Variants in PHLPP1 observed in about 807,000 individuals in gnomAD.
PHLPP1 encodes PH domain and leucine rich repeat protein phosphatase 1.
PHLPP1 carries 42 observed loss-of-function variants against 117.2 expected under a neutral mutation model. The observed-to-expected ratio is 0.36, with a 90% CI of 0.28 to 0.46. The LOEUF is 0.46. PHLPP1 is among the 20% of genes least tolerant of loss of function. The pLI is 1.00. For missense variants in PHLPP1, 2,084 were observed against 2,241.9 expected (o/e 0.93, Z 1.42); for synonymous variants, 1,042 against 970.7 (o/e 1.07, Z -1.37).
At chr18:62,774,671 A>G (rs1391084775) in intron 1 of PHLPP1, among the ~76,000 whole-genome samples, 2 of 152,194 alleles carry the variant, frequency 1.3e-5, no homozygotes, top group Non-Finnish European at 1.5e-5. Flanking sequence ...TAACAATTTC[A>G]TCTGTGTTCT....
At chr18:62,751,976 A>T (rs1394931839) in intron 1 of PHLPP1, among the ~76,000 whole-genome samples, 1 of 152,246 alleles carries the variant, frequency 6.6e-6, no homozygotes, top group South Asian at 2.1e-4. Context: ...TTTTCAGGTC[A>T]TATGAGGGTA....
chr18:62,716,317 G>A lies in PHLPP1; in HGVS notation c.634G>A (p.Ala212Thr). 6.5e-7 allele frequency: 1 copy of A among 1,530,730 alleles called. No individual in the cohort carries two copies. Among genetic ancestry groups the A allele is most frequent in the Non-Finnish European group, 8.7e-7 (1 of 1,145,082 alleles). 94.8% of individuals were successfully genotyped at this position (1,530,730 alleles called of 1,614,324 possible). ...CGTGCACGTCTTCGACCGCCACATG[G>A]CCTCGACCTACCTGCGCCCGGTGCT... ...GCVHVFDRHM[A>T]STYLRPVLCT... Residue 212 changes from alanine to threonine, a missense_variant, in exon 1 of 17, where the codon GCC becomes ACC. This residue lies in a region of PHLPP1 where 719 missense variants were observed against 636.0 expected (regional missense o/e 1.13). Transcript: ENST00000262719. The surrounding 1 kb of genome is among the most constrained non-coding windows in gnomAD (Gnocchi z 5.7).
chr18:62,975,511 G>A lies in PHLPP1; in HGVS notation c.3870G>A (p.Lys1290=), dbSNP rs1911163318. Residue 1290 remains lysine (K), a synonymous_variant, in exon 16 of 17, where the codon AAG becomes AAA. Transcript: ENST00000262719. ...CCTTGACCTCTGCTAATGTGGGCAA[G>A]TGCCAAACAGTTCTCTGTCGAAATG... ...SFTLTSANVG[K]CQTVLCRNGK... 1 of 1,613,872 alleles carries A rather than the reference G, an allele frequency of 6.2e-7. No homozygotes were observed. The highest frequency in any genetic ancestry group is 8.5e-7 in the Non-Finnish European group (1 of 1,179,724).
chr18:62,799,045 C>T (rs982382250), intron 1 of PHLPP1, among the ~76,000 whole-genome samples: 9 of 152,166 alleles, frequency 5.9e-5, no homozygotes, highest in African/African-American at 2.2e-4. Flanking sequence ...ATTTGAATTT[C>T]CCATCCTTCC....
chr18:62,965,382 G>A (rs1039461147), intron 14 of PHLPP1, among the ~76,000 whole-genome samples: 7 of 150,124 alleles, frequency 4.7e-5, no homozygotes, highest in African/African-American at 1.5e-4. Context: ...GTGTAGTATT[G>A]CCTTCCTGTC....
At chr18:62,860,383 G>A in intron 3 of PHLPP1, 52 bp from the exon 4 acceptor site, 5 of 1,423,188 alleles carry the variant, frequency 3.5e-6, no homozygotes, top group Non-Finnish European at 4.9e-6. Context: ...TCCATAGAAA[G>A]TAGTTATAGG....
At chr18:62,867,729 C>T (rs1468743761) in intron 4 of PHLPP1, among the ~76,000 whole-genome samples, 1 of 152,062 alleles carries the variant, frequency 6.6e-6, no homozygotes, top group Non-Finnish European at 1.5e-5. Flanking sequence ...ACTAGAGAAA[C>T]CCTTTGGTAT....
chr18:62,842,101 A>G (rs1044793028), intron 3 of PHLPP1, among the ~76,000 whole-genome samples: 2 of 152,200 alleles, frequency 1.3e-5, no homozygotes, highest in Admixed American at 1.3e-4. Context: ...GCACATAGTA[A>G]GTGAGTAGAA....
chr18:62,959,145 A>T (rs1408928396), intron 13 of PHLPP1, among the ~76,000 whole-genome samples: 2 of 152,138 alleles, frequency 1.3e-5, no homozygotes, highest in East Asian at 1.9e-4. Context: ...TTCATTCTTG[A>T]TATTGATAAA....
intron 1 of PHLPP1, among the ~76,000 whole-genome samples, chr18:62,765,139 T>A (rs1912423865): frequency 6.6e-6 from 1 of 152,246 alleles, no homozygotes; most frequent in Admixed American, 6.5e-5. Flanking sequence ...TCCAGAATTC[T>A]GTCTCCTCCT....
chr18:62,870,331 A>C (rs189529365), intron 4 of PHLPP1, among the ~76,000 whole-genome samples: 5 of 152,298 alleles, frequency 3.3e-5, no homozygotes, highest in African/African-American at 1.2e-4. Flanking sequence ...CCCCTCTTAT[A>C]TACATATATT....
At chr18:62,847,349 G>A (rs1309097038) in intron 3 of PHLPP1, among the ~76,000 whole-genome samples, 1 of 152,032 alleles carries the variant, frequency 6.6e-6, no homozygotes, top group Non-Finnish European at 1.5e-5. Flanking sequence ...GCTCCATGTG[G>A]ATTGCCAGGA....
chr18:62,789,371 T>C (rs1272520503), intron 1 of PHLPP1, among the ~76,000 whole-genome samples: 1 of 152,220 alleles, frequency 6.6e-6, no homozygotes, highest in Non-Finnish European at 1.5e-5. Flanking sequence ...TGTGTGTAGC[T>C]GTATTGATCA....
At chr18:62,720,167 A>G (rs1056793696) in intron 1 of PHLPP1, among the ~76,000 whole-genome samples, 10 of 152,178 alleles carry the variant, frequency 6.6e-5, no homozygotes, top group African/African-American at 2.2e-4. Context: ...AAAGAGAGTA[A>G]TTATAGGTTA....
intron 1 of PHLPP1, among the ~76,000 whole-genome samples, chr18:62,746,374 C>T (rs943081786): frequency 1.3e-5 from 2 of 152,138 alleles, no homozygotes; most frequent in Admixed American, 1.3e-4. Context: ...GAATTTTCCT[C>T]AAATGTTAGC....
intron 1 of PHLPP1, among the ~76,000 whole-genome samples, chr18:62,766,284 ACTTT>A (rs1403277152): frequency 4.0e-5 from 6 of 149,914 alleles, no homozygotes; most frequent in East Asian, 2.0e-4. Context: ...TTGGGGAATA[ACTTT>A]CTTTCTTCTG....
At chr18:62,896,281 T>C (rs529160749) in intron 6 of PHLPP1, among the ~76,000 whole-genome samples, 7 of 144,424 alleles carry the variant, frequency 4.8e-5, no homozygotes, top group African/African-American at 1.8e-4. Context: ...GTTTTTGTTT[T>C]TTTTGTTGTT....
At chr18:62,823,926 G>T (rs1914537788) in intron 1 of PHLPP1, among the ~76,000 whole-genome samples, 1 of 152,134 alleles carries the variant, frequency 6.6e-6, no homozygotes, top group Non-Finnish European at 1.5e-5. Context: ...GAGGTGGGCA[G>T]TTAGAGACCA....
chr18:62,832,186 C>T (rs1236517887), intron 2 of PHLPP1: 1 of 152,228 alleles, frequency 6.6e-6, no homozygotes, highest in Non-Finnish European at 1.5e-5. Flanking sequence ...GAAATACTAA[C>T]ATAGCTAAAT....
Sources: allele counts gnomAD v4.1 joint callset (sites outside exome capture counted in the v4.1 genomes callset), GRCh38; gene constraint gnomAD v4.1.1; regional missense constraint gnomAD v4.1.1; non-coding constraint Gnocchi (gnomAD v3.1); transcripts MANE v1.5; gene names NCBI Gene and HGNC (gene_info 2026-07-23, HGNC 2026-07-21).